The following TMPRSS6 variants were observed in gnomAD, a reference collection of about 807,000 sequenced individuals.
The protein encoded by TMPRSS6 is transmembrane protease serine 6.
Under a neutral mutation model 101.5 loss-of-function variants are expected in TMPRSS6, and 67 were observed. The observed-to-expected ratio is 0.66, with a 90% CI of 0.54 to 0.81. The LOEUF (loss-of-function observed/expected upper bound fraction) is 0.81. TMPRSS6 is among the 30% of genes least tolerant of loss of function. The pLI, the probability that TMPRSS6 is intolerant of heterozygous loss-of-function variation, is 0.00. For synonymous variants in TMPRSS6, 453 were observed against 464.9 expected (o/e 0.97, Z 0.33); for missense variants, 1,034 against 1,088.7 (o/e 0.95, Z 0.71).
At chr22:37,098,223 G>A (rs1929991314) in intron 3 of TMPRSS6, among the ~76,000 whole-genome samples, 193 bp downstream of exon 3, 2 of 152,136 alleles carry the variant, frequency 1.3e-5, no homozygotes, top group Admixed American at 1.3e-4. Context: ...TCTAATCCGA[G>A]TGCTATTGAC....
At chr22:37,072,631 GGAT>G (rs1479267882) in intron 13 of TMPRSS6, among the ~76,000 whole-genome samples, 1 of 147,136 alleles carries the variant, frequency 6.8e-6, no homozygotes, top group African/African-American at 2.5e-5. Context: ...ATGGATGGAT[GGAT>G]GATGGACGGA....
At chr22:37,082,912 C>T (rs1350950340) in intron 10 of TMPRSS6, 1 of 458,612 alleles carries the variant, frequency 2.2e-6, no homozygotes, top group Non-Finnish European at 4.5e-6. Context: ...TCAAGCAAAC[C>T]TTGTCATTCT....
Position 37,094,381 on chromosome 22 carries a change from T to TGATAGATAGATA in TMPRSS6, c.631+1158_631+1169dup, listed in dbSNP as rs67454685. ...ATTCTCTTTTTCCATTAATGATTGA[T>TGATAGATAGATA]GATAGATAGATAGATAGATAGATAG... On this transcript the variant is annotated intron_variant, in intron 6 of 17. Coordinates refer to ENST00000676104, the MANE Select transcript of TMPRSS6 (RefSeq NM_001374504.1). 9.9e-3 allele frequency among the ~76,000 whole-genome samples: 1,301 copies of TGATAGATAGATA among 131,038 alleles called. 4 individuals are homozygous for TGATAGATAGATA. Among genetic ancestry groups the TGATAGATAGATA allele is most frequent in the Non-Finnish European group, 0.013 (784 of 61,278 alleles). The allele number at this position is 131,038 out of a possible 152,430, so 86.0% of individuals were successfully genotyped here.
rs893326073 is a variant in TMPRSS6 at position 37,067,099 on chromosome 22, G to A, written c.2114-137C>T. On this transcript the variant is annotated intron_variant, in intron 16 of 17. Coordinates refer to ENST00000676104, the MANE Select transcript of TMPRSS6 (RefSeq NM_001374504.1). ...GCCCACCCTTACCCCTGCTAGGGTC[G>A]CACCTGCCCCTCTGCCTCCCTGTCA... 25 of 1,298,996 alleles carry A rather than the reference G, an allele frequency of 1.9e-5. No homozygotes were observed. The East Asian group carries it at 2.5e-4, about 13-fold the overall frequency. The allele number at this position is 1,298,996 out of a possible 1,614,324, so 80.5% of individuals were successfully genotyped here.
At position 37,069,813 on chromosome 22, in the gene TMPRSS6, C is replaced by T. The variant is rs1411655699; in HGVS notation, c.1842-469G>A. Among the ~76,000 whole-genome samples, 1 of 152,168 alleles carries T rather than the reference C, an allele frequency of 6.6e-6. No individual in the cohort carries two copies. The highest frequency in any genetic ancestry group is 1.5e-5 in the Non-Finnish European group (1 of 68,030). ...AGTTGAGCGTGGAGGAATTGGACTG[C>T]GGCAGTCAGCTGCCTGGGTGGCAGA... On this transcript the variant is annotated intron_variant, in intron 15 of 17. Coordinates refer to ENST00000676104, the MANE Select transcript of TMPRSS6 (RefSeq NM_001374504.1). This position sits in a 1 kb window ranked among gnomAD's most constrained non-coding sequence, Gnocchi z 4.8.
intron 13 of TMPRSS6, among the ~76,000 whole-genome samples, chr22:37,072,678 A>C (rs1256246116): frequency 3.4e-4 from 42 of 122,742 alleles, no homozygotes; most frequent in Non-Finnish European, 5.8e-4. Context: ...GGATGGATGG[A>C]TGATGGATGG....
intron 10 of TMPRSS6, among the ~76,000 whole-genome samples, chr22:37,077,011 C>T (rs537294627): frequency 6.6e-6 from 1 of 152,196 alleles, no homozygotes; most frequent in Non-Finnish European, 1.5e-5. Flanking sequence ...AGCACTTAAC[C>T]GTTCAATAAG....
intron 4 of TMPRSS6, 142 bp downstream of exon 4, chr22:37,096,506 T>A: frequency 3.3e-6 from 3 of 903,564 alleles, no homozygotes; most frequent in Non-Finnish European, 5.4e-6. Context: ...GAGGGTGACA[T>A]GCAGGAAGCC....
Position 37,068,789 on chromosome 22 carries a change from G to T in TMPRSS6, c.2113+284C>A. 4.2e-6 allele frequency: 3 copies of T among 720,070 alleles called. No individual in the cohort carries two copies. The Middle Eastern group carries it at 9.1e-4, about 217-fold the overall frequency. 44.6% of individuals were successfully genotyped at this position (720,070 alleles called of 1,614,324 possible). ...CCTTGCAGCCCAAGGAACAGCAGGT[G>T]GAGCTTGCACGTGGGCAGTGGCGTC... On this transcript the variant is annotated intron_variant, in intron 16 of 17. Transcript: ENST00000676104.
intron 6 of TMPRSS6, 89 bp from the exon 7 acceptor site, chr22:37,089,871 AG>A: frequency 2.2e-6 from 3 of 1,381,566 alleles, no homozygotes; most frequent in Non-Finnish European, 3.0e-6. Context: ...GTCCTCCACC[AG>A]GCAGGATGGG....
chr22:37,070,374 GT>G (rs2146035426), intron 15 of TMPRSS6, 109 bp downstream of exon 15: 1 of 1,421,114 alleles, frequency 7.0e-7, no homozygotes, highest in Non-Finnish European at 9.9e-7. Context: ...TGTCTGGGGG[GT>G]CCACCACCCT....
rs1358385105 is a variant in TMPRSS6, at chr22:37,089,582, T to C, written c.832A>G (p.Thr278Ala). The C allele has an allele frequency of 3.0e-6, 4 of 1,312,464 alleles. No homozygotes were observed. Among genetic ancestry groups the C allele is most frequent in the Non-Finnish European group, 4.2e-6 (4 of 962,634 alleles). 81.3% of individuals were successfully genotyped at this position (1,312,464 alleles called of 1,614,324 possible). ...VAGPLEKRLITSVYGCSRQEP... is the reference protein window; with the variant it reads ...VAGPLEKRLIASVYGCSRQEP... ...CCCTCCTTCCCAGGGACTCACGAGGTGATGAGCCTCTTCTCCAGGGGCCCG... is the reference window on the plus strand; with the variant it reads ...CCCTCCTTCCCAGGGACTCACGAGGCGATGAGCCTCTTCTCCAGGGGCCCG... Residue 278 changes from threonine to alanine, a missense_variant, in exon 7 of 18, where the codon ACC becomes GCC. By Grantham distance (58) the Thr-to-Ala change is moderately conservative. Coordinates refer to ENST00000676104, the MANE Select transcript of TMPRSS6 (RefSeq NM_001374504.1).
intron 10 of TMPRSS6, among the ~76,000 whole-genome samples, chr22:37,078,897 TAAGG>T (rs1927952210): frequency 8.7e-6 from 1 of 114,334 alleles, no homozygotes; most frequent in South Asian, 2.7e-4. Flanking sequence ...AAAAGGAGAA[TAAGG>T]AAGAAGAAAG....
intron 3 of TMPRSS6, among the ~76,000 whole-genome samples, chr22:37,096,953 C>T (rs1009417541): frequency 5.3e-5 from 8 of 152,216 alleles, no homozygotes; most frequent in African/African-American, 1.9e-4. Context: ...TCCACCTGCA[C>T]TGCTGATGAC....
chr22:37,084,685 C>T (rs1253291070), intron 9 of TMPRSS6, 42 bp downstream of exon 9: 1 of 1,497,898 alleles, frequency 6.7e-7, no homozygotes, highest in Admixed American at 2.0e-5. Context: ...CTGTAGTGTG[C>T]TTGCGGCAGA....
intron 1 of TMPRSS6, among the ~76,000 whole-genome samples, chr22:37,104,894 G>A (rs567773583): frequency 6.6e-6 from 1 of 152,138 alleles, no homozygotes; most frequent in Admixed American, 6.5e-5. Context: ...CTGGTCAGGG[G>A]AGGTTGCAGT....
chr22:37,099,263 C>T lies in TMPRSS6; in HGVS notation c.203-714G>A, dbSNP rs1201159905. Among the ~76,000 whole-genome samples, 17 of 152,274 alleles carry T rather than the reference C, an allele frequency of 1.1e-4. No homozygotes were observed. The East Asian group carries it at 2.7e-3, about 24-fold the overall frequency. The stretch of plus-strand genomic sequence containing the variant: ...GAGGGAGCAGCATGGGGCACGGGGC[C>T]GGTAGCACGGGGACCATGGTGAGGA... On this transcript the variant is annotated intron_variant, in intron 2 of 17. Transcript: ENST00000676104.
At chr22:37,085,893 C>A (rs866646856) in intron 8 of TMPRSS6, among the ~76,000 whole-genome samples, 1 of 150,756 alleles carries the variant, frequency 6.6e-6, no homozygotes, top group South Asian at 2.1e-4. Context: ...CGGTGGGTGC[C>A]AAGGGGAGAG....
intron 5 of TMPRSS6, 59 bp downstream of exon 5, chr22:37,095,840 CCACACCA>C: frequency 1.9e-6 from 3 of 1,598,068 alleles, no homozygotes; most frequent in Non-Finnish European, 2.6e-6. Flanking sequence ...CCTCCCCGGG[CCACACCA>C]CAGCTTGTTT....
Sources: allele counts gnomAD v4.1 joint callset (sites outside exome capture counted in the v4.1 genomes callset), GRCh38; gene constraint gnomAD v4.1.1; non-coding constraint Gnocchi (gnomAD v3.1); transcripts MANE v1.5; gene names NCBI Gene and HGNC (gene_info 2026-07-23, HGNC 2026-07-21).